The following CSMD1 variants were observed in gnomAD, a reference collection of about 807,000 sequenced individuals.
CSMD1 encodes the protein CUB and sushi domain-containing protein 1.
A neutral mutation model predicts 417.5 loss-of-function variants in CSMD1; 213 were observed. The observed-to-expected ratio is 0.51, with a 90% CI of 0.46 to 0.57. The LOEUF (loss-of-function observed/expected upper bound fraction) is 0.57. CSMD1 is among the 20% of genes least tolerant of loss of function. The pLI is 0.00. For synonymous variants in CSMD1, 2,862 were observed against 1,736.8 expected, an observed-to-expected ratio of 1.65 and a Z score of -16.11; for missense variants, 6,923 against 4,529.7, an observed-to-expected ratio of 1.53 and a Z score of -15.17.
chr8:4,592,413 G>A (rs937617729), intron 2 of CSMD1, among the ~76,000 whole-genome samples: 2 of 152,002 alleles, frequency 1.3e-5, no homozygotes, highest in African/African-American at 4.8e-5. Context: ...TTGAGGTGGA[G>A]TCTTACTCCA....
chr8:4,456,100 C>G (rs567614362), intron 2 of CSMD1, among the ~76,000 whole-genome samples: 1 of 145,382 alleles, frequency 6.9e-6, no homozygotes, highest in East Asian at 2.0e-4. Flanking sequence ...GTACGTACTG[C>G]ACACTTAAAA....
intron 5 of CSMD1, among the ~76,000 whole-genome samples, chr8:3,836,090 A>T (rs1802680809): frequency 6.6e-6 from 1 of 152,032 alleles, no homozygotes; most frequent in Non-Finnish European, 1.5e-5. Flanking sequence ...TATCTTTTTA[A>T]ACTTTTACCT....
rs80154347 is a variant in CSMD1, at chr8:2,966,227, G to T, written c.9101-273C>A. On this transcript the variant is annotated intron_variant, in intron 58 of 69. Transcript: ENST00000635120. ...TGACTAGCCCCTAATTAGGCATGGG[G>T]TATAATCAGAAAGATGAAGCCTGCA... is the stretch of plus-strand genomic sequence containing the variant. Among the ~76,000 whole-genome samples, 486 of 152,264 alleles carry T rather than the reference G, an allele frequency of 3.2e-3. 2 individuals are homozygous for T. Among genetic ancestry groups the T allele is most frequent in the Admixed American group, 5.0e-3 (77 of 15,294 alleles).
intron 3 of CSMD1, among the ~76,000 whole-genome samples, chr8:4,350,860 T>C (rs1453290523): frequency 6.6e-6 from 1 of 152,178 alleles, no homozygotes; most frequent in African/African-American, 2.4e-5. Flanking sequence ...TGCCAGTGGC[T>C]CTAGTTCCGG....
At chr8:3,950,732 G>A (rs1431104838) in intron 5 of CSMD1, among the ~76,000 whole-genome samples, 1 of 130,550 alleles carries the variant, frequency 7.7e-6, no homozygotes, top group African/African-American at 3.0e-5. Context: ...AATGTAATTG[G>A]GGTTTTCAAT....
intron 1 of CSMD1, among the ~76,000 whole-genome samples, chr8:4,750,085 A>C (rs567120150): frequency 2.0e-3 from 308 of 152,178 alleles, no homozygotes; most frequent in African/African-American, 7.0e-3. Context: ...GGCTCACCGC[A>C]AGCTCCGCCT....
At chr8:4,742,495 T>G (rs1810688210) in intron 1 of CSMD1, among the ~76,000 whole-genome samples, 1 of 152,102 alleles carries the variant, frequency 6.6e-6, no homozygotes, top group Non-Finnish European at 1.5e-5. Flanking sequence ...CACACATACA[T>G]ATACACACAT....
chr8:3,201,684 C>A lies in CSMD1; in HGVS notation c.5026G>T (p.Asp1676Tyr). ...GTTCCATCAAATAATTCTGCCAAAT[C>A]ATTCAGGGCTGTCTGGAAATAGGCA... is the stretch of plus-strand genomic sequence containing the variant. The part of the protein sequence containing the change: ...QFAYFQTALN[D>Y]LAELFDGTHA... The change falls in exon 32 of 70, where the codon GAT becomes TAT. Residue 1676 changes from aspartate to tyrosine, a missense_variant. Asp to Tyr is a radical substitution (Grantham distance 160, BLOSUM62 -3). Coordinates refer to ENST00000635120, the MANE Select transcript of CSMD1 (RefSeq NM_033225.6). 4 of 1,605,450 alleles carry A rather than the reference C, an allele frequency of 2.5e-6. No individual in the cohort carries two copies. Among genetic ancestry groups the A allele is most frequent in the East Asian group, 2.2e-5 (1 of 44,688 alleles).
chr8:3,826,679 A>G (rs984498283), intron 5 of CSMD1, among the ~76,000 whole-genome samples: 2 of 152,188 alleles, frequency 1.3e-5, no homozygotes, highest in African/African-American at 4.8e-5. Flanking sequence ...TTGAGGAACC[A>G]ACTCTGACTT....
intron 5 of CSMD1, among the ~76,000 whole-genome samples, chr8:3,771,563 G>T (rs1331004602): frequency 6.6e-6 from 1 of 152,090 alleles, no homozygotes; most frequent in African/African-American, 2.4e-5. Context: ...CAGAAACACA[G>T]CCCTAGAGAC....
chr8:4,593,174 C>T (rs540277214), intron 2 of CSMD1, among the ~76,000 whole-genome samples: 4 of 152,288 alleles, frequency 2.6e-5, no homozygotes, highest in East Asian at 1.9e-4. Context: ...CAGGCAGTCA[C>T]TGAAGTGCAT....
intron 42 of CSMD1, among the ~76,000 whole-genome samples, chr8:3,111,443 G>GTT (rs539053324): frequency 1.6e-3 from 242 of 152,284 alleles, no homozygotes; most frequent in Non-Finnish European, 2.8e-3. Context: ...ACCTGGATTT[G>GTT]TAAGCTGGAG....
chr8:3,878,032 G>A (rs2930344), intron 5 of CSMD1, among the ~76,000 whole-genome samples: 1 of 151,562 alleles, frequency 6.6e-6, no homozygotes, highest in Non-Finnish European at 1.5e-5. Context: ...TGATTTATTA[G>A]TACCTCCATC....
At chr8:4,615,995 T>A (rs1698559958) in intron 2 of CSMD1, among the ~76,000 whole-genome samples, 1 of 152,172 alleles carries the variant, frequency 6.6e-6, no homozygotes, top group Non-Finnish European at 1.5e-5. Flanking sequence ...CCACATCACC[T>A]TTTCGGTTAG....
chr8:4,068,480 CAT>C (rs1438759521), intron 3 of CSMD1, among the ~76,000 whole-genome samples: 2 of 152,140 alleles, frequency 1.3e-5, no homozygotes, highest in Non-Finnish European at 2.9e-5. Flanking sequence ...CACCATAACA[CAT>C]AGCATCATTA....
chr8:4,335,803 A>C (rs973048977), intron 3 of CSMD1, among the ~76,000 whole-genome samples: 1 of 152,024 alleles, frequency 6.6e-6, no homozygotes, highest in Non-Finnish European at 1.5e-5. Flanking sequence ...CTGTGATCCC[A>C]TGGAAGATAC....
intron 3 of CSMD1, among the ~76,000 whole-genome samples, chr8:4,098,068 T>A (rs1421732073): frequency 6.6e-6 from 1 of 152,168 alleles, no homozygotes; most frequent in Non-Finnish European, 1.5e-5. Flanking sequence ...CACTTAAAGT[T>A]CTTGTTAAAA....
intron 3 of CSMD1, among the ~76,000 whole-genome samples, chr8:4,239,279 C>T (rs1802247316): frequency 6.6e-6 from 1 of 152,204 alleles, no homozygotes; most frequent in South Asian, 2.1e-4. Context: ...TACTCTGTTG[C>T]ATCAACTTCT....
intron 1 of CSMD1, among the ~76,000 whole-genome samples, chr8:4,702,570 G>C (rs995008097): frequency 3.3e-5 from 5 of 152,154 alleles, no homozygotes; most frequent in Admixed American, 2.6e-4. Flanking sequence ...TCATCTGAAA[G>C]GTTCCGTAGG....
Sources: allele counts gnomAD v4.1 joint callset (sites outside exome capture counted in the v4.1 genomes callset), GRCh38; gene constraint gnomAD v4.1.1; transcripts MANE v1.5; gene names NCBI Gene and HGNC (gene_info 2026-07-23, HGNC 2026-07-21).